FANCC: variants seen among roughly 807,000 people sequenced by gnomAD.
The protein encoded by FANCC is FA complementation group C, also known as Fanconi anemia group C protein.
FANCC carries 55 observed loss-of-function variants against 71.3 expected under a neutral mutation model. That is an observed-to-expected ratio of 0.77 (90% CI 0.62 to 0.97). The LOEUF (loss-of-function observed/expected upper bound fraction) is 0.97, where lower values mean the gene tolerates loss of function less well. FANCC is among the 50% of genes least tolerant of loss of function. The pLI is 0.00. For synonymous variants in FANCC, 275 were observed against 244.9 expected (o/e 1.12, Z -1.15); for missense variants, 678 against 670.9 (o/e 1.01, Z -0.12).
chr9:95,117,486 C>T (rs2072518693), intron 10 of FANCC, 96 bp from the exon 11 acceptor site: 2 of 902,476 alleles, frequency 2.2e-6, no homozygotes, highest in Admixed American at 4.0e-5. Flanking sequence ...AAAAAAGACC[C>T]ACCAGTACTA....
At chr9:95,256,943 C>T (rs1359992302) in intron 1 of FANCC, among the ~76,000 whole-genome samples, 1 of 152,000 alleles carries the variant, frequency 6.6e-6, no homozygotes, top group Non-Finnish European at 1.5e-5. Flanking sequence ...CAAAGAAGGG[C>T]ATTACATAAT....
chr9:95,103,654 G>T (rs903049962), intron 14 of FANCC, among the ~76,000 whole-genome samples: 2 of 152,228 alleles, frequency 1.3e-5, no homozygotes, highest in Non-Finnish European at 2.9e-5. Flanking sequence ...CCGCAGGGAC[G>T]TTGGGCAGGG....
rs2071073103 is a variant in FANCC, at chr9:95,101,581, C to T, written c.*126G>A. Reference sequence around the variant, plus strand: ...CTAGCAGATTGTCCCAAGATGTGTACAGCTCATTCTCACAGCCCAGCGAGG... The same window carrying T: ...CTAGCAGATTGTCCCAAGATGTGTATAGCTCATTCTCACAGCCCAGCGAGG... On this transcript the variant is annotated 3_prime_UTR_variant, in exon 15 of 15. Coordinates refer to ENST00000289081, the MANE Select transcript of FANCC (RefSeq NM_000136.3). 1.7e-6 allele frequency: 2 copies of T among 1,145,184 alleles called. No individual in the cohort carries two copies. The highest frequency in any genetic ancestry group is 2.5e-6 in the Non-Finnish European group (2 of 786,910). The allele number at this position is 1,145,184 out of a possible 1,614,324, so 70.9% of individuals were successfully genotyped here. A position where few individuals can be genotyped will look rare whatever the true frequency, so the allele number is the denominator to read the frequency against.
At chr9:95,222,736 G>A (rs184744954) in intron 4 of FANCC, among the ~76,000 whole-genome samples, 4 of 152,148 alleles carry the variant, frequency 2.6e-5, no homozygotes, top group Non-Finnish European at 5.9e-5. Context: ...AAGATTAAAA[G>A]AAAAAAGCCC....
At chr9:95,291,765 T>C (rs1055124526) in intron 1 of FANCC, among the ~76,000 whole-genome samples, 1 of 151,568 alleles carries the variant, frequency 6.6e-6, no homozygotes, top group South Asian at 2.1e-4. Context: ...CTGGCCAACA[T>C]GGCGAAACCC....
At chr9:95,299,185 C>T (rs1227865550) in intron 1 of FANCC, among the ~76,000 whole-genome samples, 3 of 152,224 alleles carry the variant, frequency 2.0e-5, no homozygotes, top group African/African-American at 7.2e-5. Flanking sequence ...CAATTAATAA[C>T]TAGTTTTGAA....
chr9:95,244,137 T>C (rs1487972885), intron 3 of FANCC, among the ~76,000 whole-genome samples: 1 of 152,202 alleles, frequency 6.6e-6, no homozygotes. Context: ...GAACTCCTAC[T>C]TTTACAAAGA....
chr9:95,122,450 CAG>C (rs2072959607), intron 10 of FANCC, among the ~76,000 whole-genome samples: 1 of 152,132 alleles, frequency 6.6e-6, no homozygotes, highest in South Asian at 2.1e-4. Flanking sequence ...AATAAACTAA[CAG>C]ATACCTATGC....
At chr9:95,134,606 C>T (rs1208222157) in intron 8 of FANCC, among the ~76,000 whole-genome samples, 2 of 152,238 alleles carry the variant, frequency 1.3e-5, no homozygotes, top group African/African-American at 2.4e-5. Context: ...GGGACCATGG[C>T]ACCTGCAGGT....
At chr9:95,270,044 C>A (rs535050063) in intron 1 of FANCC, among the ~76,000 whole-genome samples, 9 of 152,140 alleles carry the variant, frequency 5.9e-5, no homozygotes, top group African/African-American at 2.2e-4. Flanking sequence ...TCAGAGAGCA[C>A]GGGGTTGGGG....
At chr9:95,123,271 T>A (rs1825373705) in intron 10 of FANCC, 1 of 282,182 alleles carries the variant, frequency 3.5e-6, no homozygotes, top group Admixed American at 5.0e-5. Flanking sequence ...ACCACTGCAC[T>A]CCAGCCTTGG....
At chr9:95,180,980 T>C (rs1826317807) in intron 4 of FANCC, among the ~76,000 whole-genome samples, 1 of 152,118 alleles carries the variant, frequency 6.6e-6, no homozygotes, top group South Asian at 2.1e-4. Context: ...AAACTTCCAA[T>C]GTCTGCATTG....
At chr9:95,115,446 T>C (rs546090161) in intron 11 of FANCC, among the ~76,000 whole-genome samples, 1 of 152,348 alleles carries the variant, frequency 6.6e-6, no homozygotes, top group East Asian at 1.9e-4. Context: ...ACTGCCTGAC[T>C]GCTTTCCTAG....
chr9:95,205,211 G>A (rs1233467779), intron 4 of FANCC, among the ~76,000 whole-genome samples: 1 of 151,968 alleles, frequency 6.6e-6, no homozygotes, highest in East Asian at 1.9e-4. Context: ...AATTCTAATT[G>A]TTAGCAATTC....
At chr9:95,128,252 A>G (rs990008699) in intron 8 of FANCC, among the ~76,000 whole-genome samples, 2 of 152,250 alleles carry the variant, frequency 1.3e-5, no homozygotes, top group South Asian at 2.1e-4. Flanking sequence ...AAGCAACCGT[A>G]TGTCTTGAAG....
chr9:95,164,809 G>A (rs905583280), intron 6 of FANCC, among the ~76,000 whole-genome samples: 1 of 152,030 alleles, frequency 6.6e-6, no homozygotes, highest in Admixed American at 6.6e-5. Context: ...AAATGAGTTT[G>A]GAAATGTCCC....
chr9:95,281,317 T>G (rs1012354379), intron 1 of FANCC, among the ~76,000 whole-genome samples: 4 of 151,750 alleles, frequency 2.6e-5, no homozygotes, highest in Non-Finnish European at 4.4e-5. Context: ...AGCAAATAAT[T>G]TATAAGGGAG....
chr9:95,283,139 G>A (rs1057364963), intron 1 of FANCC, among the ~76,000 whole-genome samples: 1 of 152,188 alleles, frequency 6.6e-6, no homozygotes, highest in Non-Finnish European at 1.5e-5. Flanking sequence ...CTGGTGTGCA[G>A]TGGCACAATC....
intron 4 of FANCC, among the ~76,000 whole-genome samples, chr9:95,201,892 C>T (rs549984043): frequency 5.3e-5 from 8 of 152,270 alleles, no homozygotes; most frequent in Non-Finnish European, 7.4e-5. Context: ...AACCAAGTAC[C>T]TTAATACACT....
Sources: allele counts gnomAD v4.1 joint callset (sites outside exome capture counted in the v4.1 genomes callset), GRCh38; gene constraint gnomAD v4.1.1; transcripts MANE v1.5; gene names NCBI Gene and HGNC (gene_info 2026-07-23, HGNC 2026-07-21).